The following CFAP20DC variants were observed in gnomAD, a reference collection of about 807,000 sequenced individuals.
CFAP20DC encodes CFAP20 domain containing.
A neutral mutation model predicts 101.7 loss-of-function variants in CFAP20DC; 84 were observed. The observed-to-expected ratio is 0.83, with a 90% CI of 0.69 to 0.99. The LOEUF is 0.99. Ranked by LOEUF, CFAP20DC falls within the 50% of genes least tolerant of loss-of-function variation. CFAP20DC has a pLI of 0.00. For synonymous variants in CFAP20DC, 359 were observed against 351.2 expected, an observed-to-expected ratio of 1.02 and a Z score of -0.25; for missense variants, 1,007 against 970.3, an observed-to-expected ratio of 1.04 and a Z score of -0.50.
rs1051998962 is a variant in CFAP20DC at position 58,899,049 on chromosome 3, C to G, written c.551-14340G>C. 2.0e-5 allele frequency among the ~76,000 whole-genome samples: 3 copies of G among 152,170 alleles called. No homozygotes were observed. The highest frequency in any genetic ancestry group is 4.8e-5 in the African/African-American group (2 of 41,426). On this transcript the variant is annotated intron_variant, in intron 6 of 16. Transcript: ENST00000482387. The surrounding 1 kb of genome is among the most constrained non-coding windows in gnomAD (Gnocchi z 5.0). Reference sequence around the variant, plus strand: ...GCCATGAAACAGCAAAAATGTCAGCCTGTTCTTTCCTCTGGAATCTCCATC... The same window carrying G: ...GCCATGAAACAGCAAAAATGTCAGCGTGTTCTTTCCTCTGGAATCTCCATC...
In CFAP20DC at chr3:58,843,484, G is replaced by A. The variant is rs1258957220; in HGVS notation, c.1971+5548C>T. Among the ~76,000 whole-genome samples, 20 of 151,256 alleles carry A rather than the reference G, an allele frequency of 1.3e-4. No individual in the cohort carries two copies. In the East Asian group the frequency reaches 2.6e-3, roughly 19 times the overall value. ...GAGAAAAAAGAATAAAAAGAAATGA[G>A]CAAAGCCTCCAAGAAATATGGGACT... On this transcript the variant is annotated intron_variant, in intron 13 of 16. Transcript: ENST00000482387.
chr3:58,911,617 T>G (rs1418907037), intron 6 of CFAP20DC, among the ~76,000 whole-genome samples: 2 of 152,140 alleles, frequency 1.3e-5, no homozygotes, highest in African/African-American at 2.4e-5. Flanking sequence ...ATAGTAACAC[T>G]TATAATACAC....
In CFAP20DC at chr3:58,768,137, T is replaced by C. The variant is rs543573008; in HGVS notation, c.2238-14274A>G. On this transcript the variant is annotated intron_variant, in intron 15 of 16. Coordinates refer to ENST00000482387, the MANE Select transcript of CFAP20DC (RefSeq NM_001394063.1). ...CACATGGCTTTCTGGAGCAGATTGG[T>C]CCAGAGGTGGACACCCAACCTAATA... Among the ~76,000 whole-genome samples, 13 of 152,222 alleles carry C rather than the reference T, an allele frequency of 8.5e-5. 1 individual carries two copies. Among genetic ancestry groups the C allele is most frequent in the African/African-American group, 3.1e-4 (13 of 41,532 alleles).
chr3:58,846,708 T>G (rs1269589611), intron 13 of CFAP20DC, among the ~76,000 whole-genome samples: 3 of 151,022 alleles, frequency 2.0e-5, no homozygotes, highest in Middle Eastern at 3.4e-3. Flanking sequence ...CATCGCCAAG[T>G]CAATCCTAAG....
intron 6 of CFAP20DC, among the ~76,000 whole-genome samples, chr3:58,903,410 A>T (rs910072216): frequency 6.6e-6 from 1 of 152,136 alleles, no homozygotes; most frequent in African/African-American, 2.4e-5. Context: ...CCTTCTATTA[A>T]ATGGTCTTAT....
chr3:58,943,929 G>A (rs113193735), intron 4 of CFAP20DC, among the ~76,000 whole-genome samples: 2,258 of 152,008 alleles, frequency 0.015, 56 homozygotes, highest in African/African-American at 0.052. Context: ...TGAAGCATAC[G>A]CAAGTATCAA....
intron 14 of CFAP20DC, among the ~76,000 whole-genome samples, chr3:58,814,591 T>C (rs1053148246): frequency 4.0e-5 from 6 of 151,408 alleles, no homozygotes; most frequent in Non-Finnish European, 7.4e-5. Context: ...ATGACATGAT[T>C]GTATATCTAG....
At chr3:58,826,879 G>A (rs564697471) in intron 14 of CFAP20DC, among the ~76,000 whole-genome samples, 8 of 152,210 alleles carry the variant, frequency 5.3e-5, no homozygotes, top group South Asian at 2.1e-4. Flanking sequence ...AGAGGGAAGC[G>A]AATAATTCTG....
Position 58,996,103 on chromosome 3 carries a change from GA to G in CFAP20DC, c.278+43453del, listed in dbSNP as rs919481084. On this transcript the variant is annotated intron_variant, in intron 4 of 16. Transcript: ENST00000482387. ...AAATTGCTTTGGTATAAATGAAGCAGAAAAAAAAAAGTGTTTACTTACAATA... is the reference window on the plus strand; with the variant it reads ...AAATTGCTTTGGTATAAATGAAGCAGAAAAAAAAAGTGTTTACTTACAATA... Among the ~76,000 whole-genome samples the G allele has an allele frequency of 6.8e-5, 10 of 147,006 alleles. No individual in the cohort carries two copies. The East Asian group carries it at 1.6e-3, about 23-fold the overall frequency.
At chr3:58,977,100 T>A (rs553958688) in intron 4 of CFAP20DC, among the ~76,000 whole-genome samples, 1 of 152,228 alleles carries the variant, frequency 6.6e-6, no homozygotes, top group South Asian at 2.1e-4. Flanking sequence ...AGAACTTAAG[T>A]ATTGTTTGAA....
At chr3:58,811,887 T>C (rs1391507726) in intron 14 of CFAP20DC, among the ~76,000 whole-genome samples, 1 of 151,962 alleles carries the variant, frequency 6.6e-6, no homozygotes, top group Non-Finnish European at 1.5e-5. Context: ...CATCAAAAAG[T>C]GGGCGAAGGA....
chr3:58,792,148 A>G (rs561325961), intron 15 of CFAP20DC, among the ~76,000 whole-genome samples: 1 of 152,200 alleles, frequency 6.6e-6, no homozygotes, highest in Non-Finnish European at 1.5e-5. Context: ...CCCCAAGTTG[A>G]GAGAACGTTA....
chr3:58,851,698 C>T (rs2078244977), intron 12 of CFAP20DC, among the ~76,000 whole-genome samples: 1 of 151,980 alleles, frequency 6.6e-6, no homozygotes, highest in African/African-American at 2.4e-5. Flanking sequence ...ACTGAGGATC[C>T]TGGGAATATA....
In CFAP20DC at chr3:58,866,644, T is replaced by G. The variant is rs769554386; in HGVS notation, c.1180A>C (p.Ile394Leu). Residue 394 changes from isoleucine (I) to leucine (L), a missense_variant, in exon 11 of 17, where the codon ATC becomes CTC. Coordinates refer to ENST00000482387, the MANE Select transcript of CFAP20DC (RefSeq NM_001394063.1). ...NNRIEDKASTILTTVSQQGAE... is the reference protein window; with the variant it reads ...NNRIEDKASTLLTTVSQQGAE... ...CCTTGTTGGGACACAGTGGTGAGGA[T>G]AGTTGATGCTTTATCTTCAATCCTA... 3.1e-6 allele frequency: 5 copies of G among 1,601,752 alleles called. No individual in the cohort carries two copies. The highest frequency in any genetic ancestry group is 4.3e-6 in the Non-Finnish European group (5 of 1,169,032).
intron 4 of CFAP20DC, among the ~76,000 whole-genome samples, chr3:59,026,564 T>C (rs929420236): frequency 6.6e-6 from 1 of 152,188 alleles, no homozygotes; most frequent in Non-Finnish European, 1.5e-5. Context: ...ACTAATGTCA[T>C]CGTGACCTAA....
rs2082984890 is a variant in CFAP20DC, at chr3:58,899,746, C to T, written c.550+13962G>A. Among the ~76,000 whole-genome samples, 1 of 152,178 alleles carries T rather than the reference C, an allele frequency of 6.6e-6. No individual in the cohort carries two copies. Among genetic ancestry groups the T allele is most frequent in the African/African-American group, 2.4e-5 (1 of 41,444 alleles). Reference sequence around the variant, plus strand: ...TGGGGGGACTGTTGGCTTCATGCCACTCCCGGATGGGCCATCACCCCACCC... The same window carrying T: ...TGGGGGGACTGTTGGCTTCATGCCATTCCCGGATGGGCCATCACCCCACCC... On this transcript the variant is annotated intron_variant, in intron 6 of 16. Transcript: ENST00000482387. The surrounding 1 kb of genome is among the most constrained non-coding windows in gnomAD (Gnocchi z 5.0).
Position 59,049,762 on chromosome 3 carries a change from C to G in CFAP20DC, c.-131G>C. On this transcript the variant is annotated 5_prime_UTR_variant, in exon 1 of 17. Transcript: ENST00000482387. Reference sequence around the variant, plus strand: ...GGGTGGGAAAGGGCTTCGTGCTTGGCCCAGACTTGGGCAGGCTCTTCTCAG... The same window carrying G: ...GGGTGGGAAAGGGCTTCGTGCTTGGGCCAGACTTGGGCAGGCTCTTCTCAG... 8.8e-7 allele frequency: 1 copy of G among 1,138,918 alleles called. No individual in the cohort carries two copies. The highest frequency in any genetic ancestry group is 1.2e-6 in the Non-Finnish European group (1 of 815,080). The allele number at this position is 1,138,918 out of a possible 1,614,324, so 70.6% of individuals were successfully genotyped here.
intron 12 of CFAP20DC, among the ~76,000 whole-genome samples, chr3:58,856,654 G>A (rs1311511807): frequency 6.6e-6 from 1 of 152,088 alleles, no homozygotes; most frequent in East Asian, 1.9e-4. Context: ...TAAATCACTA[G>A]GTAATAGAGT....
At chr3:58,857,787 A>C (rs1415956205) in intron 12 of CFAP20DC, among the ~76,000 whole-genome samples, 1 of 152,174 alleles carries the variant, frequency 6.6e-6, no homozygotes, top group Non-Finnish European at 1.5e-5. Flanking sequence ...TGGAGAATTA[A>C]AAAAAGTACA....
Sources: gnomAD v4.1 joint callset for allele counts (sites outside exome capture counted in the v4.1 genomes callset) on GRCh38, gnomAD v4.1.1 for gene constraint, Gnocchi (gnomAD v3.1) non-coding constraint, MANE v1.5 for transcripts, NCBI Gene and HGNC (gene_info 2026-07-23, HGNC 2026-07-21) for gene names.